Variants in DBH observed in about 807,000 individuals in gnomAD.
DBH encodes the protein dopamine beta-hydroxylase (dopamine beta-monooxygenase).
A neutral mutation model predicts 64.0 loss-of-function variants in DBH; 49 were observed. The observed-to-expected ratio is 0.77, with a 90% CI of 0.61 to 0.97. DBH has a LOEUF of 0.97. DBH is among the 50% of genes least tolerant of loss of function. DBH has a pLI of 0.00. For missense variants in DBH, 828 were observed against 826.6 expected, an observed-to-expected ratio of 1.00 and a Z score of -0.02; for synonymous variants, 343 against 347.1, an observed-to-expected ratio of 0.99 and a Z score of 0.13.
intron 6 of DBH, among the ~76,000 whole-genome samples, chr9:133,650,842 C>T (rs1430006482): frequency 6.6e-6 from 1 of 152,162 alleles, no homozygotes; most frequent in Non-Finnish European, 1.5e-5. Context: ...GCCACCATGC[C>T]CAGCCATGGA....
Position 133,639,933 on chromosome 9 carries a change from C to T in DBH, c.427C>T (p.Leu143=), listed in dbSNP as rs1272466072. The change falls in exon 2 of 12, where the codon CTG becomes TTG. Residue 143 remains leucine (L), a synonymous_variant. Transcript: ENST00000393056. ...GCAGGTGCAGAGGACCCCAGAAGGC[C>T]TGACCCTGCTTTTCAAGAGGCCCTT... ...LLQVQRTPEG[L]TLLFKRPFGT... is the part of the protein sequence containing the mutation. 74 of 1,613,762 alleles carry T rather than the reference C, an allele frequency of 4.6e-5. No homozygotes were observed. The highest frequency in any genetic ancestry group is 5.9e-5 in the Non-Finnish European group (70 of 1,179,978).
In DBH at chr9:133,639,477, T is replaced by C. The variant is rs377300673; in HGVS notation, c.340-369T>C. On this transcript the variant is annotated intron_variant, in intron 1 of 11. Transcript: ENST00000393056. ...TGGTCTGAGGCATTGTTCCCAGTCT[T>C]GAGGAGGCCTTGGGAGCCTCAGGCA... is the stretch of plus-strand genomic sequence containing the variant. 7.2e-5 allele frequency among the ~76,000 whole-genome samples: 11 copies of C among 152,134 alleles called. No individual in the cohort carries two copies. The East Asian group carries it at 1.9e-3, about 27-fold the overall frequency.
intron 5 of DBH, among the ~76,000 whole-genome samples, chr9:133,647,049 A>G (rs1388085778): frequency 6.6e-6 from 1 of 152,188 alleles, no homozygotes; most frequent in African/African-American, 2.4e-5. Flanking sequence ...ATCTGAGAGC[A>G]CACAGCACGC....
rs1226567646 is a variant in DBH at position 133,657,214 on chromosome 9, AGCCGTCC to A, written c.1710_1716del (p.Val571SerfsTer108). On this transcript the variant is annotated frameshift_variant, in exon 11 of 12. Transcript: ENST00000393056. LOFTEE classifies it low-confidence loss of function (END_TRUNC). ...TCTCCATGCACTGCAACAAGTCCTC[AGCCGTCC>A]GCTTCCAGGTGCGCTGCCATGGGCC... 1 of 1,614,006 alleles carries A rather than the reference AGCCGTCC, an allele frequency of 6.2e-7. No homozygotes were observed. The highest frequency in any genetic ancestry group is 1.1e-5 in the South Asian group (1 of 91,088).
Position 133,642,281 on chromosome 9 carries a change from C to A in DBH, c.561C>A (p.Gly187=), listed in dbSNP as rs781577148. ...FRSLEAINGS[G]LQMGLQRVQL... The stretch of plus-strand genomic sequence containing the variant: ...CACTGGAGGCCATCAACGGCTCGGG[C>A]CTGCAGATGGGGCTGCAGAGGGTGC... Residue 187 remains glycine (G), a synonymous_variant, in exon 3 of 12, where the codon GGC becomes GGA. Coordinates refer to ENST00000393056, the MANE Select transcript of DBH (RefSeq NM_000787.4). 9 of 1,614,028 alleles carry A rather than the reference C, an allele frequency of 5.6e-6. No individual in the cohort carries two copies. The South Asian group carries it at 7.7e-5, about 14-fold the overall frequency.
chr9:133,645,583 C>G (rs1832172581), intron 5 of DBH, among the ~76,000 whole-genome samples: 3 of 152,148 alleles, frequency 2.0e-5, no homozygotes, highest in Admixed American at 2.0e-4. Flanking sequence ...ATTGCAACAC[C>G]CTTTTTATTA....
chr9:133,644,214 A>G lies in DBH; in HGVS notation c.922-4A>G, dbSNP rs1373769933. 4 of 1,612,292 alleles carry G rather than the reference A, an allele frequency of 2.5e-6. No homozygotes were observed. In the South Asian group the frequency reaches 4.4e-5, roughly 18 times the overall value. The stretch of plus-strand genomic sequence containing the variant: ...CCGTCTGTCTGACACCTTGCCCCAC[A>G]CAGGCATTTTACTACCCAGAGGAAG... On this transcript the variant is annotated splice_region_variant and splice_polypyrimidine_tract_variant and intron_variant, in intron 4 of 11. Transcript: ENST00000393056.
intron 9 of DBH, 121 bp from the exon 10 acceptor site, chr9:133,656,402 C>G (rs1277052787): frequency 7.2e-7 from 1 of 1,396,126 alleles, no homozygotes; most frequent in Non-Finnish European, 1.0e-6. Context: ...CCAGAGCATG[C>G]CTGGCACGGT....
chr9:133,646,526 C>A (rs937186634), intron 5 of DBH, among the ~76,000 whole-genome samples: 1 of 152,136 alleles, frequency 6.6e-6, no homozygotes, highest in African/African-American at 2.4e-5. Context: ...ATCCCTGAAC[C>A]TCTGTTTTTT....
Position 133,651,139 on chromosome 9 carries a change from A to G in DBH, c.1192-495A>G, listed in dbSNP as rs536870736. ...CAGCCTTGGCTGCTTTGAAGCTGAA[A>G]GGAAGCCACAACGCAGGGCAGCTGA... On this transcript the variant is annotated intron_variant, in intron 6 of 11. Coordinates refer to ENST00000393056, the MANE Select transcript of DBH (RefSeq NM_000787.4). 1.3e-4 allele frequency among the ~76,000 whole-genome samples: 20 copies of G among 152,388 alleles called. No homozygotes were observed. In the Middle Eastern group the frequency reaches 0.014, roughly 104 times the overall value.
At chr9:133,638,064 G>A (rs1021822627) in intron 1 of DBH, among the ~76,000 whole-genome samples, 5 of 152,250 alleles carry the variant, frequency 3.3e-5, no homozygotes, top group African/African-American at 7.2e-5. Flanking sequence ...CTGGGGCAGC[G>A]TCCCCCCTGC....
intron 5 of DBH, 27 bp downstream of exon 5, chr9:133,644,347 C>G (rs1832156954): frequency 1.3e-6 from 2 of 1,570,098 alleles, no homozygotes; most frequent in African/African-American, 2.7e-5. Flanking sequence ...CCATCCTCCT[C>G]AGAAGCCCTA....
At chr9:133,640,127 A>G in intron 2 of DBH, 135 bp downstream of exon 2, 1 of 1,221,330 alleles carries the variant, frequency 8.2e-7, no homozygotes, top group East Asian at 2.5e-5. Flanking sequence ...ACAGAGAGAA[A>G]GCCAAGGAGG....
At chr9:133,639,006 G>A (rs1356886568) in intron 1 of DBH, among the ~76,000 whole-genome samples, 3 of 152,086 alleles carry the variant, frequency 2.0e-5, no homozygotes, top group African/African-American at 4.8e-5. Flanking sequence ...GGAGAATGCA[G>A]CAGGTCCAAT....
At chr9:133,650,387 TCA>T (rs1347149472) in intron 6 of DBH, among the ~76,000 whole-genome samples, 3 of 152,172 alleles carry the variant, frequency 2.0e-5, no homozygotes, top group African/African-American at 7.2e-5. Context: ...GACAACTGAC[TCA>T]CAAAGAAAAT....
At chr9:133,638,440 G>A (rs1391442928) in intron 1 of DBH, among the ~76,000 whole-genome samples, 1 of 152,234 alleles carries the variant, frequency 6.6e-6, no homozygotes, top group East Asian at 1.9e-4. Flanking sequence ...ACAACCCAAA[G>A]TCCTTAAGGC....
intron 9 of DBH, among the ~76,000 whole-genome samples, chr9:133,653,402 G>A (rs1489822058): frequency 6.6e-6 from 1 of 152,220 alleles, no homozygotes; most frequent in African/African-American, 2.4e-5. Flanking sequence ...CAGGGAGACA[G>A]GCCTGGAGCA....
At chr9:133,650,144 T>C (rs1038040995) in intron 6 of DBH, among the ~76,000 whole-genome samples, 1 of 152,140 alleles carries the variant, frequency 6.6e-6, no homozygotes, top group African/African-American at 2.4e-5. Context: ...CCCTTTGGGC[T>C]CCCAGGCCTG....
At chr9:133,657,540 C>T (rs547474571) in intron 11 of DBH, among the ~76,000 whole-genome samples, 17 of 150,752 alleles carry the variant, frequency 1.1e-4, no homozygotes, top group Admixed American at 6.6e-4. Flanking sequence ...GAACCAATAA[C>T]GAGGCAAGGA....
Sources: allele counts gnomAD v4.1 joint callset (sites outside exome capture counted in the v4.1 genomes callset), GRCh38; gene constraint gnomAD v4.1.1; transcripts MANE v1.5; gene names NCBI Gene and HGNC (gene_info 2026-07-23, HGNC 2026-07-21).